The following NPAS3 variants were observed in gnomAD, a reference collection of about 807,000 sequenced individuals.
NPAS3 encodes the protein neuronal PAS domain-containing protein 3.
In NPAS3, 14 loss-of-function variants were observed where a neutral mutation model predicts 73.1. The ratio of observed to expected loss-of-function variants is 0.19; its 90% CI spans 0.13 to 0.30. The LOEUF (loss-of-function observed/expected upper bound fraction) is 0.30. Among genes scored for constraint, NPAS3 ranks in the 10% least tolerant of loss-of-function variants. NPAS3 has a pLI of 1.00. For synonymous variants in NPAS3, 620 were observed against 541.5 expected (o/e 1.14, Z -2.01); for missense variants, 1,096 against 1,250.0 (o/e 0.88, Z 1.86).
chr14:33,271,949 T>C (rs1021217530), intron 3 of NPAS3, among the ~76,000 whole-genome samples: 7 of 152,178 alleles, frequency 4.6e-5, no homozygotes, highest in Non-Finnish European at 1.0e-4. Flanking sequence ...GTTATTACTA[T>C]GATATTGTTC....
At chr14:33,445,326 G>A (rs1020265606) in intron 4 of NPAS3, among the ~76,000 whole-genome samples, 2 of 152,038 alleles carry the variant, frequency 1.3e-5, no homozygotes, top group African/African-American at 4.8e-5. Context: ...CTAAGTATTC[G>A]TAGCAAAACC....
At chr14:33,051,879 C>G (rs2040723788) in intron 1 of NPAS3, among the ~76,000 whole-genome samples, 1 of 152,128 alleles carries the variant, frequency 6.6e-6, no homozygotes. Context: ...CCTGCCTCAG[C>G]CTTCTGAGTA....
At chr14:33,113,349 A>G (rs1476948495) in intron 2 of NPAS3, among the ~76,000 whole-genome samples, 1 of 152,086 alleles carries the variant, frequency 6.6e-6, no homozygotes, top group Non-Finnish European at 1.5e-5. Context: ...TTCGTTGAGC[A>G]GTGGTTTGTA....
intron 3 of NPAS3, among the ~76,000 whole-genome samples, chr14:33,328,446 CTTTTTTTTT>C (rs58411120): frequency 3.2e-4 from 16 of 49,590 alleles, no homozygotes; most frequent in African/African-American, 1.1e-3. Flanking sequence ...CTTTTCTTTT[CTTTTTTTTT>C]TTTTTTTTTT....
chr14:33,429,873 T>G (rs1321111599), intron 4 of NPAS3, among the ~76,000 whole-genome samples: 1 of 152,188 alleles, frequency 6.6e-6, no homozygotes, highest in Non-Finnish European at 1.5e-5. Flanking sequence ...TGTAGAAAAT[T>G]GCAAAGCTAA....
intron 5 of NPAS3, 108 bp from the exon 6 acceptor site, chr14:33,676,103 C>CCTGAA: frequency 1.9e-6 from 2 of 1,065,544 alleles, no homozygotes; most frequent in Non-Finnish European, 2.8e-6. Context: ...GTTTCTGGGA[C>CCTGAA]CTGAATGTAT....
intron 1 of NPAS3, among the ~76,000 whole-genome samples, chr14:33,029,226 G>A (rs1007562825): frequency 2.0e-5 from 3 of 152,120 alleles, no homozygotes; most frequent in South Asian, 2.1e-4. Context: ...GTGAAGTGAC[G>A]GACGCTTTCT....
intron 3 of NPAS3, among the ~76,000 whole-genome samples, chr14:33,252,929 A>G (rs939467402): frequency 1.3e-5 from 2 of 152,078 alleles, no homozygotes; most frequent in African/African-American, 4.8e-5. Context: ...AAAACAGGAT[A>G]ATGGCCTCCA....
At chr14:33,090,137 C>T (rs927697008) in intron 2 of NPAS3, among the ~76,000 whole-genome samples, 1 of 152,198 alleles carries the variant, frequency 6.6e-6, no homozygotes, top group African/African-American at 2.4e-5. Context: ...GGATCAGGTT[C>T]ACACATAACA....
At chr14:33,530,524 G>C (rs1459825260) in intron 4 of NPAS3, among the ~76,000 whole-genome samples, 2 of 152,046 alleles carry the variant, frequency 1.3e-5, no homozygotes, top group African/African-American at 4.8e-5. Flanking sequence ...GGGCATTTTT[G>C]TATTTCAAAT....
intron 2 of NPAS3, among the ~76,000 whole-genome samples, chr14:33,151,453 G>T (rs1047589712): frequency 6.6e-6 from 1 of 152,194 alleles, no homozygotes. Context: ...AACGACTTCC[G>T]TCAGTTTGTA....
chr14:33,057,494 A>C (rs1595349538), intron 2 of NPAS3, among the ~76,000 whole-genome samples: 2 of 152,240 alleles, frequency 1.3e-5, no homozygotes, highest in South Asian at 4.1e-4. Flanking sequence ...AAATAAGTGC[A>C]TATCAACAAT....
intron 3 of NPAS3, among the ~76,000 whole-genome samples, chr14:33,328,781 G>A (rs1275122380): frequency 6.6e-6 from 1 of 151,820 alleles, no homozygotes. Flanking sequence ...TGACTTTCCT[G>A]AATTCTTGAG....
intron 2 of NPAS3, among the ~76,000 whole-genome samples, chr14:33,133,004 C>T (rs1245726998): frequency 6.6e-6 from 1 of 152,070 alleles, no homozygotes; most frequent in Non-Finnish European, 1.5e-5. Context: ...CCAGTTATTA[C>T]TCTTAAATTA....
chr14:33,282,177 A>G (rs1053317909), intron 3 of NPAS3, among the ~76,000 whole-genome samples: 1 of 152,174 alleles, frequency 6.6e-6, no homozygotes, highest in Non-Finnish European at 1.5e-5. Flanking sequence ...CCTTATTTTC[A>G]TCTTTTGGAT....
At chr14:33,459,479 C>T (rs1474368690) in intron 4 of NPAS3, among the ~76,000 whole-genome samples, 16 of 152,208 alleles carry the variant, frequency 1.1e-4, no homozygotes. Flanking sequence ...TGGAAATCTG[C>T]AGTAGAAATC....
At chr14:33,198,215 G>A (rs755963423) in intron 2 of NPAS3, among the ~76,000 whole-genome samples, 3 of 152,206 alleles carry the variant, frequency 2.0e-5, no homozygotes, top group Non-Finnish European at 2.9e-5. Context: ...ATTGCAAAGA[G>A]CAAAAGAACA....
intron 2 of NPAS3, among the ~76,000 whole-genome samples, chr14:33,071,495 G>C (rs1262677060): frequency 2.0e-5 from 3 of 152,108 alleles, no homozygotes; most frequent in African/African-American, 4.8e-5. Context: ...AGATAATTAT[G>C]TTCAATAATT....
At chr14:33,784,843 C>T (rs573249857) in intron 9 of NPAS3, among the ~76,000 whole-genome samples, 3 of 148,306 alleles carry the variant, frequency 2.0e-5, no homozygotes, top group South Asian at 4.3e-4. Context: ...CTCCGCCTCC[C>T]GAGTTCAAGC....
Sources: allele counts gnomAD v4.1 joint callset (sites outside exome capture counted in the v4.1 genomes callset), GRCh38; gene constraint gnomAD v4.1.1; transcripts MANE v1.5; gene names NCBI Gene and HGNC (gene_info 2026-07-23, HGNC 2026-07-21).